ANKRD27: variants seen among roughly 807,000 people sequenced by gnomAD.
The protein encoded by ANKRD27 is ankyrin repeat domain 27.
Under a neutral mutation model 129.7 loss-of-function variants are expected in ANKRD27, and 112 were observed. That is an observed-to-expected ratio of 0.86 (90% CI 0.74 to 1.01). The LOEUF (loss-of-function observed/expected upper bound fraction) is 1.01. ANKRD27 is among the 50% of genes least tolerant of loss of function. The probability of loss-of-function intolerance (pLI) is 0.00; values close to 1 mark genes in which losing one functional copy is unlikely to be tolerated. For missense variants in ANKRD27, 1,258 were observed against 1,300.5 expected (o/e 0.97, Z 0.50); for synonymous variants, 516 against 511.2 (o/e 1.01, Z -0.13).
At chr19:32,663,014 C>T (rs921770294) in intron 1 of ANKRD27, among the ~76,000 whole-genome samples, 1 of 152,212 alleles carries the variant, frequency 6.6e-6, no homozygotes, top group Non-Finnish European at 1.5e-5. Context: ...TTCACTCCAG[C>T]CTGGGTGACA....
At chr19:32,601,406 C>G (rs1226207155) in intron 26 of ANKRD27, among the ~76,000 whole-genome samples, 1 of 151,978 alleles carries the variant, frequency 6.6e-6, no homozygotes. Context: ...ACCATCCTGG[C>G]TAACACGGTG....
rs772127072 is a variant in ANKRD27 at position 32,644,516 on chromosome 19, C to A, written c.371-37G>T. 2.5e-6 allele frequency: 4 copies of A among 1,604,698 alleles called. No individual in the cohort carries two copies. In the East Asian group the frequency reaches 9.0e-5, roughly 36 times the overall value. On this transcript the variant is annotated intron_variant, in intron 4 of 28. Transcript: ENST00000306065. ...ACAAACAGGTCAGGCCGGCTGAAGCCTCTGCTGGTTCCTGACTCTGTCCTA... is the reference window on the plus strand; with the variant it reads ...ACAAACAGGTCAGGCCGGCTGAAGCATCTGCTGGTTCCTGACTCTGTCCTA...
chr19:32,604,159 C>T (rs1379759896), intron 25 of ANKRD27, 104 bp downstream of exon 25: 12 of 1,341,066 alleles, frequency 8.9e-6, no homozygotes, highest in African/African-American at 1.4e-5. Flanking sequence ...CCGGCGATGC[C>T]AAGGGCCAGG....
chr19:32,667,512 A>G (rs949288045), intron 1 of ANKRD27, among the ~76,000 whole-genome samples: 3 of 152,214 alleles, frequency 2.0e-5, no homozygotes, highest in African/African-American at 7.2e-5. Flanking sequence ...ACTACTTTAA[A>G]TAGAAAAATG....
At chr19:32,654,199 C>T (rs979495718) in intron 2 of ANKRD27, among the ~76,000 whole-genome samples, 35 of 152,126 alleles carry the variant, frequency 2.3e-4, no homozygotes, top group Admixed American at 2.1e-3. Context: ...CATGCCTGGC[C>T]AAGACATGTT....
At chr19:32,629,578 T>C (rs1177912833) in intron 13 of ANKRD27, among the ~76,000 whole-genome samples, 1 of 152,108 alleles carries the variant, frequency 6.6e-6, no homozygotes, top group Non-Finnish European at 1.5e-5. Flanking sequence ...CAGACGCCTG[T>C]AATCCCAGCG....
intron 2 of ANKRD27, among the ~76,000 whole-genome samples, chr19:32,650,700 A>G (rs1367542707): frequency 1.3e-5 from 2 of 149,722 alleles, no homozygotes; most frequent in South Asian, 2.1e-4. Context: ...AAAAAAAAAG[A>G]ACACTTCACA....
At chr19:32,600,335 T>C in intron 26 of ANKRD27, 1 of 256,958 alleles carries the variant, frequency 3.9e-6, no homozygotes. Context: ...AGGTCAGGAG[T>C]TCAAGACCAG....
At chr19:32,657,742 G>A (rs1458740574) in intron 2 of ANKRD27, among the ~76,000 whole-genome samples, 1 of 152,136 alleles carries the variant, frequency 6.6e-6, no homozygotes, top group East Asian at 1.9e-4. Context: ...GGGAGGCCGA[G>A]GTGGGCAGAT....
At chr19:32,671,799 ACTT>A (rs1967875267) in intron 1 of ANKRD27, among the ~76,000 whole-genome samples, 1 of 152,220 alleles carries the variant, frequency 6.6e-6, no homozygotes, top group Non-Finnish European at 1.5e-5. Context: ...TTCTTATAAA[ACTT>A]CTTTTAAAAA....
chr19:32,616,593 G>C, intron 21 of ANKRD27, among the ~76,000 whole-genome samples: 1 of 150,858 alleles, frequency 6.6e-6, no homozygotes, highest in Admixed American at 6.6e-5. Flanking sequence ...CCTTTCAAAG[G>C]GCCAAAGGCA....
In ANKRD27 at chr19:32,597,225, C is replaced by T. The variant is rs1018853876; in HGVS notation, c.*920G>A. The T allele has an allele frequency of 1.3e-5, 2 of 152,160 alleles. No homozygotes were observed. Among genetic ancestry groups the T allele is most frequent in the Non-Finnish European group, 2.9e-5 (2 of 67,964 alleles). 9.4% of individuals were successfully genotyped at this position (152,160 alleles called of 1,614,324 possible). On this transcript the variant is annotated 3_prime_UTR_variant, in exon 29 of 29. Coordinates refer to ENST00000306065, the MANE Select transcript of ANKRD27 (RefSeq NM_032139.3). ...AACCCATATACGTGTAGCTCTAGGC[C>T]AATAACATAAAAATAACAGTATAAT...
At chr19:32,637,137 G>C (rs1225382735) in intron 12 of ANKRD27, among the ~76,000 whole-genome samples, 1 of 152,176 alleles carries the variant, frequency 6.6e-6, no homozygotes, top group African/African-American at 2.4e-5. Flanking sequence ...GAATGAATGG[G>C]GTGGAAATGC....
intron 12 of ANKRD27, among the ~76,000 whole-genome samples, chr19:32,634,458 C>T (rs1967053709): frequency 6.6e-6 from 1 of 152,242 alleles, no homozygotes; most frequent in Non-Finnish European, 1.5e-5. Context: ...ACCAACCATA[C>T]TCCATCCAGG....
At chr19:32,622,659 C>A (rs746452177) in intron 17 of ANKRD27, 40 bp from the exon 18 acceptor site, 17 of 1,605,244 alleles carry the variant, frequency 1.1e-5, no homozygotes, top group Non-Finnish European at 1.4e-5. Context: ...CATGGATGTA[C>A]CAAGCCTCGA....
In ANKRD27 at chr19:32,615,695, G is replaced by T; in HGVS notation, c.2138C>A (p.Pro713Gln). 3 of 1,614,190 alleles carry T rather than the reference G, an allele frequency of 1.9e-6. No homozygotes were observed. The highest frequency in any genetic ancestry group is 2.5e-6 in the Non-Finnish European group (3 of 1,180,032). ...VSAADPEFCH[P>Q]LCQCPKCAPA... ...GGCACACTTGGGGCACTGGCACAAC[G>T]GGTGACAGAATTCGGGGTCCGCTGC... is the stretch of plus-strand genomic sequence containing the variant. Residue 713 changes from proline (P) to glutamine (Q), a missense_variant, in exon 22 of 29, where the codon CCG (proline) becomes CAG (glutamine). Physicochemically the swap from Pro to Gln is moderately conservative, Grantham distance 76. Transcript: ENST00000306065.
intron 1 of ANKRD27, among the ~76,000 whole-genome samples, chr19:32,661,088 G>C (rs1025500291): frequency 4.6e-5 from 7 of 151,532 alleles, no homozygotes; most frequent in African/African-American, 1.5e-4. Flanking sequence ...ATAGTCCCAG[G>C]TACTAAGGAG....
chr19:32,622,683 C>T, intron 17 of ANKRD27, 64 bp from the exon 18 acceptor site: 1 of 1,476,486 alleles, frequency 6.8e-7, no homozygotes, highest in Non-Finnish European at 9.4e-7. Flanking sequence ...GGTCCGTGCT[C>T]TCCTCGACCT....
chr19:32,619,634 C>A (rs1971978125), intron 18 of ANKRD27, 81 bp from the exon 19 acceptor site: 2 of 1,535,578 alleles, frequency 1.3e-6, no homozygotes, highest in East Asian at 4.5e-5. Flanking sequence ...ACACGCCCCA[C>A]TGCCGGCCTA....
Sources: allele counts gnomAD v4.1 joint callset (sites outside exome capture counted in the v4.1 genomes callset), GRCh38; gene constraint gnomAD v4.1.1; transcripts MANE v1.5; gene names NCBI Gene and HGNC (gene_info 2026-07-23, HGNC 2026-07-21).